KIAA0232: variants seen among roughly 807,000 people sequenced by gnomAD.
The protein encoded by KIAA0232 is uncharacterized protein KIAA0232.
In KIAA0232, 27 loss-of-function variants were observed where a neutral mutation model predicts 122.0. That is an observed-to-expected ratio of 0.22 (90% CI 0.16 to 0.31). The LOEUF (loss-of-function observed/expected upper bound fraction) is 0.31. Ranked by LOEUF, KIAA0232 falls within the 10% of genes least tolerant of loss-of-function variation. KIAA0232 has a pLI of 1.00. For synonymous variants in KIAA0232, 613 were observed against 587.6 expected (o/e 1.04, Z -0.63); for missense variants, 1,551 against 1,634.2 (o/e 0.95, Z 0.88).
chr4:6,800,122 A>G (rs1577357788), intron 1 of KIAA0232, among the ~76,000 whole-genome samples: 1 of 116,334 alleles, frequency 8.6e-6, no homozygotes, highest in Non-Finnish European at 1.7e-5. Flanking sequence ...CAGTGGCATG[A>G]TCTCGGCTGA....
intron 4 of KIAA0232, among the ~76,000 whole-genome samples, chr4:6,843,503 C>G (rs1719774248): frequency 6.6e-6 from 1 of 152,134 alleles, no homozygotes; most frequent in Non-Finnish European, 1.5e-5. Flanking sequence ...AACAGTGGCT[C>G]AACACCTGTA....
intron 1 of KIAA0232, among the ~76,000 whole-genome samples, chr4:6,802,474 C>T (rs1215004716): frequency 1.3e-5 from 2 of 152,236 alleles, no homozygotes; most frequent in East Asian, 1.9e-4. Flanking sequence ...TCATTTGACT[C>T]ATTGGTTGGC....
At chr4:6,843,324 G>C (rs969921043) in intron 4 of KIAA0232, among the ~76,000 whole-genome samples, 2 of 152,132 alleles carry the variant, frequency 1.3e-5, no homozygotes, top group Non-Finnish European at 2.9e-5. Context: ...CTTCCTTCCT[G>C]GACTAATTGT....
chr4:6,826,196 G>A (rs776051953), intron 3 of KIAA0232, among the ~76,000 whole-genome samples: 7 of 152,164 alleles, frequency 4.6e-5, no homozygotes, highest in African/African-American at 1.2e-4. Context: ...TGGACACAGC[G>A]GCATTTTTCT....
chr4:6,835,358 A>G (rs1344267260), intron 3 of KIAA0232, among the ~76,000 whole-genome samples: 1 of 152,182 alleles, frequency 6.6e-6, no homozygotes, highest in Non-Finnish European at 1.5e-5. Flanking sequence ...CACTCTCTTG[A>G]TGGTAGAACC....
At chr4:6,850,475 T>A (rs537299596) in intron 4 of KIAA0232, among the ~76,000 whole-genome samples, 1 of 152,318 alleles carries the variant, frequency 6.6e-6, no homozygotes, top group South Asian at 2.1e-4. Context: ...CCATACTCTA[T>A]ATATTTTTGT....
intron 3 of KIAA0232, among the ~76,000 whole-genome samples, chr4:6,837,131 G>A (rs1577385536): frequency 1.3e-5 from 2 of 151,254 alleles, no homozygotes; most frequent in South Asian, 4.2e-4. Flanking sequence ...GGCCGGGCGG[G>A]GGCTGCCCCC....
At chr4:6,850,469 A>C (rs916309496) in intron 4 of KIAA0232, among the ~76,000 whole-genome samples, 1 of 151,838 alleles carries the variant, frequency 6.6e-6, no homozygotes, top group Non-Finnish European at 1.5e-5. Flanking sequence ...ATTATACCAT[A>C]CTCTATATAT....
chr4:6,854,595 G>A (rs760624082), intron 4 of KIAA0232, among the ~76,000 whole-genome samples: 2 of 152,152 alleles, frequency 1.3e-5, no homozygotes, highest in African/African-American at 2.4e-5. Flanking sequence ...TATGTGGCTC[G>A]CCACTTTGCA....
intron 2 of KIAA0232, among the ~76,000 whole-genome samples, chr4:6,812,746 A>G (rs1373012571): frequency 6.6e-6 from 1 of 152,042 alleles, no homozygotes; most frequent in African/African-American, 2.4e-5. Context: ...TTTTCTCCAC[A>G]AGGTCCACAT....
chr4:6,815,042 C>T (rs377302671), intron 2 of KIAA0232, among the ~76,000 whole-genome samples: 23 of 142,308 alleles, frequency 1.6e-4, no homozygotes, highest in African/African-American at 4.2e-4. Context: ...GGGAAGGGAA[C>T]GTTAAAAAAA....
intron 9 of KIAA0232, among the ~76,000 whole-genome samples, chr4:6,877,891 T>TC (rs1292943242): frequency 1.3e-5 from 2 of 152,124 alleles, no homozygotes; most frequent in African/African-American, 4.8e-5. Context: ...CCATAACAAG[T>TC]CCACCCCTTG....
intron 8 of KIAA0232, among the ~76,000 whole-genome samples, chr4:6,872,765 A>G (rs1721559981): frequency 6.6e-6 from 1 of 152,250 alleles, no homozygotes; most frequent in South Asian, 2.1e-4. Context: ...TGTGGAGCCA[A>G]GTGACTTCTC....
At chr4:6,864,839 T>C (rs955653578) in intron 7 of KIAA0232, among the ~76,000 whole-genome samples, 1 of 152,122 alleles carries the variant, frequency 6.6e-6, no homozygotes, top group Non-Finnish European at 1.5e-5. Flanking sequence ...AAGTGGCTGC[T>C]ATTAAAGTGT....
At chr4:6,814,325 C>T (rs77728324) in intron 2 of KIAA0232, among the ~76,000 whole-genome samples, 164 of 151,316 alleles carry the variant, frequency 1.1e-3, no homozygotes, top group African/African-American at 3.6e-3. Context: ...GAGGAAAGGC[C>T]CTGATAGGAC....
chr4:6,842,540 ATAT>A (rs937562914), intron 4 of KIAA0232, among the ~76,000 whole-genome samples: 1 of 151,532 alleles, frequency 6.6e-6, no homozygotes, highest in Admixed American at 6.6e-5. Flanking sequence ...CAGCAGTATA[ATAT>A]TATAATATAA....
chr4:6,858,935 C>A (rs879589866), intron 6 of KIAA0232, among the ~76,000 whole-genome samples: 1 of 151,740 alleles, frequency 6.6e-6, no homozygotes, highest in Non-Finnish European at 1.5e-5. Context: ...CATGGTGAAA[C>A]CCAGTCTCAA....
At chr4:6,784,141 CGA>C (rs1426704171) in intron 1 of KIAA0232, among the ~76,000 whole-genome samples, 1 of 151,636 alleles carries the variant, frequency 6.6e-6, no homozygotes, top group Non-Finnish European at 1.5e-5. Context: ...AGGAGGCATG[CGA>C]GATTCTTTGG....
rs906554363 is a variant in KIAA0232 at position 6,884,156 on chromosome 4, T to G, written c.*3190T>G. 1 of 152,166 alleles carries G rather than the reference T, an allele frequency of 6.6e-6. No individual in the cohort carries two copies. The highest frequency in any genetic ancestry group is 1.5e-5 in the Non-Finnish European group (1 of 68,026). 9.4% of individuals were successfully genotyped at this position (152,166 alleles called of 1,614,324 possible). On this transcript the variant is annotated 3_prime_UTR_variant, in exon 10 of 10. Transcript: ENST00000307659. ...GAATTAAAAGAAAAATAAAAAAATA[T>G]AAACTTTATTTCTCAACATAAGTTC... is the stretch of plus-strand genomic sequence containing the variant.
Sources: allele counts gnomAD v4.1 joint callset (sites outside exome capture counted in the v4.1 genomes callset), GRCh38; gene constraint gnomAD v4.1.1; transcripts MANE v1.5; gene names NCBI Gene and HGNC (gene_info 2026-07-23, HGNC 2026-07-21).